Variants in CFAP61 observed in about 807,000 individuals in gnomAD.
The protein encoded by CFAP61 is cilia- and flagella-associated protein 61.
CFAP61 carries 107 observed loss-of-function variants against 135.6 expected under a neutral mutation model. That is an observed-to-expected ratio of 0.79 (90% CI 0.67 to 0.93). The LOEUF (loss-of-function observed/expected upper bound fraction) is 0.93. Ranked by LOEUF, CFAP61 falls within the 40% of genes least tolerant of loss-of-function variation. The probability of loss-of-function intolerance (pLI) is 0.00; values close to 1 mark genes in which losing one functional copy is unlikely to be tolerated. For synonymous variants in CFAP61, 575 were observed against 578.5 expected, an observed-to-expected ratio of 0.99 and a Z score of 0.09; for missense variants, 1,507 against 1,556.2, an observed-to-expected ratio of 0.97 and a Z score of 0.53.
chr20:20,081,513 C>T (rs775356410), intron 6 of CFAP61, among the ~76,000 whole-genome samples: 10 of 152,106 alleles, frequency 6.6e-5, no homozygotes, highest in Non-Finnish European at 1.5e-4. Flanking sequence ...TTAATTTACT[C>T]GCTAATAGCC....
intron 9 of CFAP61, among the ~76,000 whole-genome samples, chr20:20,157,776 T>C (rs1459882961): frequency 6.6e-6 from 1 of 152,200 alleles, no homozygotes; most frequent in Non-Finnish European, 1.5e-5. Flanking sequence ...CAATTAGATG[T>C]CATCAAAATT....
chr20:20,277,714 T>G (rs1054975978), intron 22 of CFAP61, among the ~76,000 whole-genome samples: 1 of 152,252 alleles, frequency 6.6e-6, no homozygotes, highest in African/African-American at 2.4e-5. Context: ...CTTCTGGCTT[T>G]GGCCAGACTC....
chr20:20,074,220 C>T (rs1184375354), intron 3 of CFAP61, 82 bp from the exon 4 acceptor site: 3 of 1,101,160 alleles, frequency 2.7e-6, no homozygotes, highest in African/African-American at 1.5e-5. Flanking sequence ...CTGTGGATGC[C>T]CCGAAACCCT....
intron 21 of CFAP61, among the ~76,000 whole-genome samples, chr20:20,271,321 G>T (rs2053326614): frequency 6.6e-6 from 1 of 152,058 alleles, no homozygotes; most frequent in Non-Finnish European, 1.5e-5. Flanking sequence ...AAACAAAAAG[G>T]TCATCTCTAC....
At chr20:20,200,392 A>G (rs2056555077) in intron 17 of CFAP61, among the ~76,000 whole-genome samples, 1 of 152,170 alleles carries the variant, frequency 6.6e-6, no homozygotes, top group South Asian at 2.1e-4. Context: ...AAGATGATTA[A>G]CAGAAGCATA....
chr20:20,315,669 A>C (rs1407703682), intron 25 of CFAP61, among the ~76,000 whole-genome samples: 2 of 152,018 alleles, frequency 1.3e-5, no homozygotes, highest in African/African-American at 2.4e-5. Flanking sequence ...TTATGGTTTT[A>C]GGTCTAACGT....
chr20:20,160,397 C>G (rs140809039), intron 10 of CFAP61, among the ~76,000 whole-genome samples: 22 of 152,308 alleles, frequency 1.4e-4, no homozygotes, highest in African/African-American at 4.3e-4. Context: ...CCTGTCTCCT[C>G]TCCAGATTCT....
intron 21 of CFAP61, among the ~76,000 whole-genome samples, chr20:20,270,887 G>T (rs1320761246): frequency 2.0e-5 from 3 of 152,110 alleles, no homozygotes; most frequent in African/African-American, 7.2e-5. Context: ...GGTCAGGCTG[G>T]TTTCAAACTC....
intron 26 of CFAP61, among the ~76,000 whole-genome samples, chr20:20,353,765 G>T (rs187041996): frequency 6.6e-6 from 1 of 152,280 alleles, no homozygotes; most frequent in African/African-American, 2.4e-5. Context: ...TCAGGGAAAT[G>T]GAAATTAAAA....
intron 1 of CFAP61, chr20:20,052,816 GGC>G: frequency 7.9e-7 from 1 of 1,272,884 alleles, no homozygotes; most frequent in South Asian, 1.5e-5. Flanking sequence ...CATGCGACGG[GGC>G]GAGCTGCCGC....
At chr20:20,335,212 A>G (rs1335902221) in intron 25 of CFAP61, among the ~76,000 whole-genome samples, 1 of 152,122 alleles carries the variant, frequency 6.6e-6, no homozygotes, top group African/African-American at 2.4e-5. Flanking sequence ...TCGGTTTTGG[A>G]GTAGTTGGAG....
chr20:20,085,659 C>A (rs138441033), intron 6 of CFAP61: 4 of 498,764 alleles, frequency 8.0e-6, no homozygotes, highest in Admixed American at 3.2e-5. Context: ...CTGTGTCCAT[C>A]GTATATTTAA....
intron 26 of CFAP61, among the ~76,000 whole-genome samples, chr20:20,345,579 T>C (rs1297475759): frequency 6.6e-6 from 1 of 152,212 alleles, no homozygotes; most frequent in African/African-American, 2.4e-5. Flanking sequence ...ATTATCTATC[T>C]ATTATCTATG....
At chr20:20,290,101 C>CAT (rs2054891527) in intron 23 of CFAP61, among the ~76,000 whole-genome samples, 199 bp from the exon 24 acceptor site, 1 of 152,212 alleles carries the variant, frequency 6.6e-6, no homozygotes, top group African/African-American at 2.4e-5. Flanking sequence ...TATGGGATAT[C>CAT]ATATCACATT....
At chr20:20,091,954 T>G (rs1294080088) in intron 7 of CFAP61, among the ~76,000 whole-genome samples, 1 of 152,230 alleles carries the variant, frequency 6.6e-6, no homozygotes, top group Non-Finnish European at 1.5e-5. Flanking sequence ...AGTGCTGGGA[T>G]TACAGGCGTG....
chr20:20,244,491 T>C (rs2050279231), intron 18 of CFAP61, among the ~76,000 whole-genome samples: 1 of 152,214 alleles, frequency 6.6e-6, no homozygotes, highest in African/African-American at 2.4e-5. Flanking sequence ...GAGCTCTACA[T>C]TAGCCTCTTT....
At chr20:20,255,224 A>G (rs2051433135) in intron 20 of CFAP61, among the ~76,000 whole-genome samples, 1 of 150,884 alleles carries the variant, frequency 6.6e-6, no homozygotes, top group African/African-American at 2.4e-5. Flanking sequence ...GGTTTTGAAA[A>G]CCCCTCTGAG....
intron 21 of CFAP61, among the ~76,000 whole-genome samples, chr20:20,264,513 C>A (rs1036452522): frequency 6.6e-6 from 1 of 152,164 alleles, no homozygotes; most frequent in Non-Finnish European, 1.5e-5. Context: ...TATGTTTAAA[C>A]CTGTTTTAGC....
intron 18 of CFAP61, among the ~76,000 whole-genome samples, chr20:20,236,295 T>G (rs2049587593): frequency 6.6e-6 from 1 of 152,272 alleles, no homozygotes; most frequent in African/African-American, 2.4e-5. Flanking sequence ...ATGTACAGTA[T>G]TTTTAATAGA....
Sources: allele counts gnomAD v4.1 joint callset (sites outside exome capture counted in the v4.1 genomes callset), GRCh38; gene constraint gnomAD v4.1.1; transcripts MANE v1.5; gene names NCBI Gene and HGNC (gene_info 2026-07-23, HGNC 2026-07-21).